RTN1: variants seen among roughly 807,000 people sequenced by gnomAD.
RTN1 encodes the protein reticulon-1.
A neutral mutation model predicts 65.5 loss-of-function variants in RTN1; 25 were observed. The ratio of observed to expected loss-of-function variants is 0.38; its 90% CI spans 0.28 to 0.53. The LOEUF (loss-of-function observed/expected upper bound fraction) is 0.53, where lower values mean the gene tolerates loss of function less well. Among genes scored for constraint, RTN1 ranks in the 20% least tolerant of loss-of-function variants. RTN1 has a pLI of 0.79. For synonymous variants in RTN1, 471 were observed against 447.6 expected (o/e 1.05, Z -0.66); for missense variants, 983 against 1,025.4 (o/e 0.96, Z 0.57).
chr14:59,717,230 C>T (rs1460439821), intron 3 of RTN1, among the ~76,000 whole-genome samples: 4 of 152,164 alleles, frequency 2.6e-5, no homozygotes, highest in African/African-American at 9.7e-5. Context: ...TTTGCAAGTG[C>T]TTTGTAGGCA....
intron 3 of RTN1, among the ~76,000 whole-genome samples, chr14:59,633,374 A>G (rs1038671883): frequency 2.0e-5 from 3 of 152,252 alleles, no homozygotes; most frequent in Non-Finnish European, 4.4e-5. Context: ...AGTTAGCTAC[A>G]TGGCCTTCAG....
At position 59,749,160 on chromosome 14, in the gene RTN1, C is replaced by CTATATA. The variant is rs1311080401; in HGVS notation, c.242-2680_242-2679insTATATA. Among the ~76,000 whole-genome samples, 516 of 55,210 alleles carry CTATATA rather than the reference C, an allele frequency of 9.3e-3. 74 individuals carry two copies. Among genetic ancestry groups the CTATATA allele is most frequent in the African/African-American group, 0.038 (361 of 9,546 alleles). 36.2% of individuals were successfully genotyped at this position (55,210 alleles called of 152,430 possible). A position where few individuals can be genotyped will look rare whatever the true frequency, so the allele number is the denominator to read the frequency against. On this transcript the variant is annotated intron_variant, in intron 1 of 8. Transcript: ENST00000267484. ...TATCTATCTATCTATCTATCTATAT[C>CTATATA]TATCTATATATCTATCTATATATCT... is the stretch of plus-strand genomic sequence containing the variant.
At chr14:59,605,815 T>C (rs941000100) in intron 4 of RTN1, 3 of 237,454 alleles carry the variant, frequency 1.3e-5, no homozygotes, top group Admixed American at 5.5e-5. Context: ...TAGTGCCAAA[T>C]CAGCTCATTT....
At chr14:59,648,451 A>G (rs1027570375) in intron 3 of RTN1, among the ~76,000 whole-genome samples, 15 of 152,224 alleles carry the variant, frequency 9.9e-5, no homozygotes, top group Admixed American at 1.3e-4. Flanking sequence ...TGAGGCCAGC[A>G]TCATCCTGAA....
chr14:59,786,581 A>C (rs747396676), intron 1 of RTN1, among the ~76,000 whole-genome samples: 1 of 152,196 alleles, frequency 6.6e-6, no homozygotes, highest in Non-Finnish European at 1.5e-5. Context: ...CAGATTTTTC[A>C]TTTTGACAAA....
chr14:59,762,511 A>C (rs1885769936), intron 1 of RTN1, among the ~76,000 whole-genome samples: 1 of 152,204 alleles, frequency 6.6e-6, no homozygotes, highest in Non-Finnish European at 1.5e-5. Context: ...TGGCAGAAGC[A>C]GAACTCAGAT....
rs191193434 is a variant in RTN1 at position 59,773,698 on chromosome 14, T to C, written c.242-27217A>G. The stretch of plus-strand genomic sequence containing the variant: ...AGATTTAATGGGGGAAAGAGCATGA[T>C]GTTAAAAGTGTATGGGATACACTGC... On this transcript the variant is annotated intron_variant, in intron 1 of 8. Coordinates refer to ENST00000267484, the MANE Select transcript of RTN1 (RefSeq NM_021136.3). 2.0e-5 allele frequency among the ~76,000 whole-genome samples: 3 copies of C among 152,240 alleles called. No homozygotes were observed. In the East Asian group the frequency reaches 5.8e-4, roughly 29 times the overall value.
Position 59,870,475 on chromosome 14 carries a change from GC to G in RTN1, c.155del (p.Gly52AlafsTer105). ...GCGACGCCGCTTCCCGGGCCCTGGC[GC>G]CCAACCCCGGGCTGGGCTCCCCAGC... is the stretch of plus-strand genomic sequence containing the variant. ...PQAGEPSPGL[G>X]ARAREAASRE... On this transcript the variant is annotated frameshift_variant, in exon 1 of 9. Coordinates refer to ENST00000267484, the MANE Select transcript of RTN1 (RefSeq NM_021136.3). LOFTEE classifies it high-confidence loss of function. The surrounding 1 kb of genome is among the most constrained non-coding windows in gnomAD (Gnocchi z 5.1). The G allele has an allele frequency of 6.8e-7, 1 of 1,475,170 alleles. No homozygotes were observed. Among genetic ancestry groups the G allele is most frequent in the Non-Finnish European group, 8.9e-7 (1 of 1,121,058 alleles). 91.4% of individuals were successfully genotyped at this position (1,475,170 alleles called of 1,614,324 possible).
At position 59,689,041 on chromosome 14, in the gene RTN1, G is replaced by A. The variant is rs142821541; in HGVS notation, c.1765+37878C>T. Reference sequence around the variant, plus strand: ...TGCAAGGAAGCTCAACAAGATCCACGACAAGGTTGAAAATCAACACAATGA... The same window carrying A: ...TGCAAGGAAGCTCAACAAGATCCACAACAAGGTTGAAAATCAACACAATGA... On this transcript the variant is annotated intron_variant, in intron 3 of 8. Coordinates refer to ENST00000267484, the MANE Select transcript of RTN1 (RefSeq NM_021136.3). 8.8e-4 allele frequency among the ~76,000 whole-genome samples: 134 copies of A among 152,088 alleles called. 2 individuals carry two copies. The highest frequency in any genetic ancestry group is 2.9e-3 in the African/African-American group (121 of 41,486).
At chr14:59,793,278 C>T in intron 1 of RTN1, among the ~76,000 whole-genome samples, 1 of 152,142 alleles carries the variant, frequency 6.6e-6, no homozygotes, top group Non-Finnish European at 1.5e-5. Flanking sequence ...ACTGATTACC[C>T]AGTGGTATTC....
At chr14:59,731,563 G>A (rs1884897485) in intron 2 of RTN1, among the ~76,000 whole-genome samples, 1 of 152,156 alleles carries the variant, frequency 6.6e-6, no homozygotes, top group Admixed American at 6.5e-5. Flanking sequence ...TGTACTACAA[G>A]TGAAAAGTAA....
rs577220015 is a variant in RTN1, at chr14:59,811,241, T to C, written c.241+59149A>G. On this transcript the variant is annotated intron_variant, in intron 1 of 8. Transcript: ENST00000267484. ...CTGAGTTGTATTAGTCTGTCACAAA[T>C]GGGCAAGTGGCTTAAAAAGATTCCC... Among the ~76,000 whole-genome samples, 32 of 152,264 alleles carry C rather than the reference T, an allele frequency of 2.1e-4. No homozygotes were observed. The South Asian group carries it at 6.2e-3, about 30-fold the overall frequency.
chr14:59,637,876 G>A (rs572158702), intron 3 of RTN1, among the ~76,000 whole-genome samples: 3 of 151,400 alleles, frequency 2.0e-5, no homozygotes, highest in African/African-American at 7.3e-5. Flanking sequence ...TTCCCGAGAT[G>A]GAGTTTCACT....
At chr14:59,639,217 C>T (rs968706039) in intron 3 of RTN1, among the ~76,000 whole-genome samples, 8 of 152,074 alleles carry the variant, frequency 5.3e-5, no homozygotes, top group South Asian at 4.1e-4. Context: ...TTGTGGCACC[C>T]CAAAATAATT....
At chr14:59,843,351 G>A (rs955273659) in intron 1 of RTN1, among the ~76,000 whole-genome samples, 1 of 152,214 alleles carries the variant, frequency 6.6e-6, no homozygotes, top group Non-Finnish European at 1.5e-5. Context: ...GATCCCTACT[G>A]ATAGAAGTGT....
At chr14:59,866,426 T>C (rs1887800020) in intron 1 of RTN1, among the ~76,000 whole-genome samples, 1 of 152,146 alleles carries the variant, frequency 6.6e-6, no homozygotes, top group Non-Finnish European at 1.5e-5. Context: ...GAGGAGAGCC[T>C]ATGAGCAGGG....
chr14:59,698,228 C>T (rs1011076843), intron 3 of RTN1, among the ~76,000 whole-genome samples: 1 of 152,032 alleles, frequency 6.6e-6, no homozygotes, highest in African/African-American at 2.4e-5. Flanking sequence ...TTCCCTCCAA[C>T]CCAGAAATTC....
rs1436243707 is a variant in RTN1 at position 59,794,458 on chromosome 14, C to A, written c.242-47977G>T. On this transcript the variant is annotated intron_variant, in intron 1 of 8. Coordinates refer to ENST00000267484, the MANE Select transcript of RTN1 (RefSeq NM_021136.3). The surrounding 1 kb of genome is among the most constrained non-coding windows in gnomAD (Gnocchi z 5.1). ...TTCAGTTTCATCAGCCAACAGATGT[C>A]TTTTTTGTTTTGACCATTCTGAATT... Among the ~76,000 whole-genome samples, 1 of 152,158 alleles carries A rather than the reference C, an allele frequency of 6.6e-6. No individual in the cohort carries two copies. The highest frequency in any genetic ancestry group is 1.5e-5 in the Non-Finnish European group (1 of 68,014).
At chr14:59,618,829 G>A (rs927092) in intron 3 of RTN1, among the ~76,000 whole-genome samples, 146,858 of 152,344 alleles carry the variant, frequency 0.96, 71,007 homozygotes, top group East Asian at 1. Context: ...TTCTTTGAGT[G>A]AAAAGTCATT....
Sources: gnomAD v4.1 joint callset for allele counts (sites outside exome capture counted in the v4.1 genomes callset) on GRCh38, gnomAD v4.1.1 for gene constraint, Gnocchi (gnomAD v3.1) non-coding constraint, MANE v1.5 for transcripts, NCBI Gene and HGNC (gene_info 2026-07-23, HGNC 2026-07-21) for gene names.